Variants in BRD8 observed in about 807,000 individuals in gnomAD.
The protein encoded by BRD8 is bromodomain containing 8.
Under a neutral mutation model 143.1 loss-of-function variants are expected in BRD8, and 67 were observed. That is an observed-to-expected ratio of 0.47 (90% confidence interval 0.38 to 0.57). BRD8 has a LOEUF of 0.57. Ranked by LOEUF, BRD8 falls within the 20% of genes least tolerant of loss-of-function variation. The pLI, the probability that BRD8 is intolerant of heterozygous loss-of-function variation, is 0.00. For missense variants in BRD8, 1,103 were observed against 1,503.0 expected, an observed-to-expected ratio of 0.73 and a Z score of 4.40; for synonymous variants, 505 against 517.1, an observed-to-expected ratio of 0.98 and a Z score of 0.32.
chr5:138,177,930 G>C (rs575684449), intron 1 of BRD8, among the ~76,000 whole-genome samples: 99 of 152,230 alleles, frequency 6.5e-4, no homozygotes, highest in African/African-American at 2.2e-3. Flanking sequence ...GCTTTATTAA[G>C]AAACAGGGAA....
intron 14 of BRD8, 100 bp downstream of exon 14, chr5:138,163,987 T>A (rs545337027): frequency 1.1e-5 from 15 of 1,388,112 alleles, no homozygotes; most frequent in Middle Eastern, 1.9e-4. Flanking sequence ...CAGTCTCTTA[T>A]CAGAGAATAA....
intron 14 of BRD8, 56 bp downstream of exon 14, chr5:138,164,031 G>A (rs1192581707): frequency 1.3e-6 from 2 of 1,545,974 alleles, no homozygotes; most frequent in Non-Finnish European, 1.8e-6. Flanking sequence ...TTAAAAAGTA[G>A]TGCTATAGGG....
intron 9 of BRD8, chr5:138,166,970 G>C (rs764028643): frequency 4.8e-6 from 2 of 416,288 alleles, no homozygotes; most frequent in African/African-American, 2.0e-5. Context: ...GTAAGGCTAG[G>C]TGCAGTGGCT....
In BRD8 at chr5:138,144,061, C is replaced by T. The variant is rs191290976; in HGVS notation, c.3437+1116G>A. ...TGTAACACTCACCGTGAAGGTCAGCCGCTTCGCTCCTGAAGCCAGCAAGAC... is the reference window on the plus strand; with the variant it reads ...TGTAACACTCACCGTGAAGGTCAGCTGCTTCGCTCCTGAAGCCAGCAAGAC... On this transcript the variant is annotated intron_variant, in intron 25 of 26. Transcript: ENST00000254900. Among the ~76,000 whole-genome samples, 941 of 152,292 alleles carry T rather than the reference C, an allele frequency of 6.2e-3. 6 individuals are homozygous for T. Among genetic ancestry groups the T allele is most frequent in the Middle Eastern group, 0.017 (5 of 294 alleles).
At position 138,165,817 on chromosome 5, in the gene BRD8, TG is replaced by T. The variant is rs768308620; in HGVS notation, c.1278+10del. On this transcript the variant is annotated intron_variant, in intron 11 of 26. Transcript: ENST00000254900. Reference sequence around the variant, plus strand: ...CCCATGAGATTCTCTGGGGCTTCGCTGAATAGTTACCTTGTCCTCAATGATG... The same window carrying T: ...CCCATGAGATTCTCTGGGGCTTCGCTAATAGTTACCTTGTCCTCAATGATG... 3.1e-6 allele frequency: 5 copies of T among 1,609,978 alleles called. No homozygotes were observed. In the African/African-American group the frequency reaches 5.4e-5, roughly 17 times the overall value.
chr5:138,175,885 G>A (rs1222440494), intron 2 of BRD8, among the ~76,000 whole-genome samples: 1 of 120,820 alleles, frequency 8.3e-6, no homozygotes, highest in Non-Finnish European at 1.6e-5. Context: ...CTGCACTCCA[G>A]CCTGGGTGAC....
At chr5:138,159,685 A>G in intron 19 of BRD8, 86 bp from the exon 20 acceptor site, 2 of 1,336,250 alleles carry the variant, frequency 1.5e-6, no homozygotes, top group Non-Finnish European at 1.1e-6. Context: ...AGACACAAGC[A>G]CCACACACAC....
At chr5:138,143,769 G>A (rs1487507672) in intron 25 of BRD8, among the ~76,000 whole-genome samples, 1 of 152,132 alleles carries the variant, frequency 6.6e-6, no homozygotes, top group African/African-American at 2.4e-5. Context: ...CTGTAAAAAC[G>A]CACCAAAAAA....
chr5:138,140,962 A>C, intron 25 of BRD8, 80 bp from the exon 26 acceptor site: 2 of 1,433,104 alleles, frequency 1.4e-6, no homozygotes, highest in East Asian at 4.6e-5. Flanking sequence ...CTCTTGAAGA[A>C]CTAACCAGTT....
At position 138,150,540 on chromosome 5, in the gene BRD8, CTAT is replaced by C. The variant is rs373047485; in HGVS notation, c.3120+202_3120+204del. On this transcript the variant is annotated intron_variant, in intron 22 of 26. Transcript: ENST00000254900. ...CACAGCAATCCCACAAAATAGGGTG[CTAT>C]TATTGCATTTCTGCAGAGAAAACTG... is the stretch of plus-strand genomic sequence containing the variant. Among the ~76,000 whole-genome samples the C allele has an allele frequency of 4.6e-3, 700 of 152,320 alleles. 7 individuals carry two copies. Among genetic ancestry groups the C allele is most frequent in the African/African-American group, 0.015 (639 of 41,572 alleles).
intron 25 of BRD8, among the ~76,000 whole-genome samples, chr5:138,143,709 A>G (rs1581398627): frequency 1.3e-5 from 2 of 152,032 alleles, no homozygotes; most frequent in South Asian, 4.2e-4. Context: ...AAATGCACCA[A>G]TCAGCGCTCT....
chr5:138,153,184 A>C (rs1752436450), intron 20 of BRD8, among the ~76,000 whole-genome samples: 1 of 152,214 alleles, frequency 6.6e-6, no homozygotes, highest in Non-Finnish European at 1.5e-5. Flanking sequence ...CAGTGTATAA[A>C]CATTTTTAAC....
chr5:138,173,430 C>T (rs1754054767), intron 2 of BRD8, among the ~76,000 whole-genome samples: 1 of 151,666 alleles, frequency 6.6e-6, no homozygotes, highest in African/African-American at 2.4e-5. Context: ...CACTATTTAT[C>T]TAATAAAAAT....
chr5:138,140,544 G>T lies in BRD8; in HGVS notation c.3615+161C>A. On this transcript the variant is annotated intron_variant, in intron 26 of 26. Transcript: ENST00000254900. ...CACTATCAGAGCTGGACTTACTGAGGCTCAGGGTTTTCCAAACCAGCAGGC... is the reference window on the plus strand; with the variant it reads ...CACTATCAGAGCTGGACTTACTGAGTCTCAGGGTTTTCCAAACCAGCAGGC... 3.8e-6 allele frequency: 3 copies of T among 790,698 alleles called. No homozygotes were observed. The South Asian group carries it at 5.0e-5, about 13-fold the overall frequency. 49.0% of individuals were successfully genotyped at this position (790,698 alleles called of 1,614,324 possible).
chr5:138,141,689 C>T lies in BRD8; in HGVS notation c.3438-807G>A, dbSNP rs143089670. On this transcript the variant is annotated intron_variant, in intron 25 of 26. Coordinates refer to ENST00000254900, the MANE Select transcript of BRD8 (RefSeq NM_139199.2). Reference sequence around the variant, plus strand: ...TATATTATTTCATCTACTTCTCTTACTGCACAAATAAAAAGCTAAGAATAA... The same window carrying T: ...TATATTATTTCATCTACTTCTCTTATTGCACAAATAAAAAGCTAAGAATAA... Among the ~76,000 whole-genome samples the T allele has an allele frequency of 7.9e-4, 120 of 152,304 alleles. No homozygotes were observed. The Middle Eastern group carries it at 0.014, about 17-fold the overall frequency.
chr5:138,154,291 C>A (rs187525879), intron 20 of BRD8, among the ~76,000 whole-genome samples: 1 of 152,330 alleles, frequency 6.6e-6, no homozygotes, highest in East Asian at 1.9e-4. Flanking sequence ...CCTCCTTATT[C>A]CTTAGTATAA....
intron 3 of BRD8, 143 bp from the exon 4 acceptor site, chr5:138,171,553 C>T (rs1394475001): frequency 2.1e-5 from 13 of 621,440 alleles, no homozygotes; most frequent in African/African-American, 1.8e-4. Flanking sequence ...GGGCAAGTAA[C>T]TTTATAATCA....
intron 25 of BRD8, among the ~76,000 whole-genome samples, chr5:138,144,231 C>T (rs1752772888): frequency 6.6e-6 from 1 of 152,162 alleles, no homozygotes; most frequent in Admixed American, 6.5e-5. Context: ...AGAGGCGCCA[C>T]CTTTAAGAGC....
chr5:138,151,069 T>C (rs1752352121), intron 21 of BRD8, 61 bp from the exon 22 acceptor site: 2 of 1,558,448 alleles, frequency 1.3e-6, no homozygotes, highest in Admixed American at 1.8e-5. Flanking sequence ...CATCCACATA[T>C]CAACAATGCC....
Sources: allele counts gnomAD v4.1 joint callset (sites outside exome capture counted in the v4.1 genomes callset), GRCh38; gene constraint gnomAD v4.1.1; transcripts MANE v1.5; gene names NCBI Gene and HGNC (gene_info 2026-07-23, HGNC 2026-07-21).